Variants in LRP1B observed in about 807,000 individuals in gnomAD.
LRP1B encodes the protein low-density lipoprotein receptor-related protein 1B.
A neutral mutation model predicts 556.6 loss-of-function variants in LRP1B; 217 were observed. That is an observed-to-expected ratio of 0.39 (90% CI 0.35 to 0.44). The LOEUF (loss-of-function observed/expected upper bound fraction) is 0.44. Among genes scored for constraint, LRP1B ranks in the 20% least tolerant of loss-of-function variants. The pLI is 1.00. For missense variants in LRP1B, 5,053 were observed against 5,620.8 expected, an observed-to-expected ratio of 0.90 and a Z score of 3.23; for synonymous variants, 2,047 against 1,865.8, an observed-to-expected ratio of 1.10 and a Z score of -2.50.
intron 2 of LRP1B, among the ~76,000 whole-genome samples, chr2:141,714,065 C>T (rs1164165873): frequency 6.6e-6 from 1 of 152,118 alleles, no homozygotes; most frequent in African/African-American, 2.4e-5. Flanking sequence ...CAGTATCTTT[C>T]CTTCTTTTTT....
chr2:141,717,747 T>C (rs1262229632), intron 2 of LRP1B, among the ~76,000 whole-genome samples: 7 of 152,208 alleles, frequency 4.6e-5, no homozygotes, highest in Non-Finnish European at 8.8e-5. Context: ...AGCAAAAGAA[T>C]ACAGTCTACT....
chr2:140,353,086 G>A lies in LRP1B; in HGVS notation c.11531-14C>T, dbSNP rs781434752. ...ATTCATTAAGGTCTAGAAAAGAAGA[G>A]CTCAAAATAGCATCATCATACCCTC... On this transcript the variant is annotated splice_polypyrimidine_tract_variant and intron_variant, in intron 75 of 90. Transcript: ENST00000389484. The A allele has an allele frequency of 6.2e-7, 1 of 1,611,702 alleles. No individual in the cohort carries two copies. Among genetic ancestry groups the A allele is most frequent in the Non-Finnish European group, 8.5e-7 (1 of 1,178,958 alleles).
At chr2:140,971,165 G>A (rs1307697463) in intron 18 of LRP1B, among the ~76,000 whole-genome samples, 6 of 152,198 alleles carry the variant, frequency 3.9e-5, no homozygotes, top group Admixed American at 3.9e-4. Context: ...AAGGATCTCA[G>A]TATGAGATCA....
At chr2:140,676,781 C>T (rs1685685747) in intron 41 of LRP1B, among the ~76,000 whole-genome samples, 1 of 152,034 alleles carries the variant, frequency 6.6e-6, no homozygotes, top group African/African-American at 2.4e-5. Flanking sequence ...TAGGACATTT[C>T]TTTTTGCTTG....
At chr2:140,399,594 A>T (rs549228482) in intron 66 of LRP1B, among the ~76,000 whole-genome samples, 14 of 152,222 alleles carry the variant, frequency 9.2e-5, no homozygotes, top group Non-Finnish European at 1.9e-4. Flanking sequence ...TACATTTTAG[A>T]AACACCATTG....
intron 1 of LRP1B, among the ~76,000 whole-genome samples, chr2:141,894,904 T>A (rs2104921667): frequency 6.6e-6 from 1 of 151,742 alleles, no homozygotes; most frequent in South Asian, 2.1e-4. Flanking sequence ...TAAAATTAGC[T>A]GGGCATGGTG....
At chr2:141,054,223 C>T (rs1343605942) in intron 10 of LRP1B, among the ~76,000 whole-genome samples, 3 of 151,886 alleles carry the variant, frequency 2.0e-5, no homozygotes, top group African/African-American at 7.3e-5. Flanking sequence ...GAAGAGATGA[C>T]AGGATTGTGA....
chr2:140,789,274 C>A (rs1409174869), intron 32 of LRP1B, among the ~76,000 whole-genome samples: 3 of 152,104 alleles, frequency 2.0e-5, no homozygotes, highest in Non-Finnish European at 4.4e-5. Flanking sequence ...ACAATACATT[C>A]CAATTACCTA....
intron 2 of LRP1B, among the ~76,000 whole-genome samples, chr2:141,723,225 A>G (rs1692903456): frequency 6.7e-6 from 1 of 149,958 alleles, no homozygotes; most frequent in African/African-American, 2.4e-5. Flanking sequence ...CAAGGTTGAC[A>G]GTATCTTTTC....
At position 141,120,966 on chromosome 2, in the gene LRP1B, T is replaced by G. The variant is rs543526164; in HGVS notation, c.1014-58693A>C. ...TCTGACAATGATAAAAAAAATAACA[T>G]TAATTACTTTATTGGGAACAATTTG... On this transcript the variant is annotated intron_variant, in intron 7 of 90. Coordinates refer to ENST00000389484, the MANE Select transcript of LRP1B (RefSeq NM_018557.3). Among the ~76,000 whole-genome samples the G allele has an allele frequency of 2.0e-5, 3 of 152,156 alleles. No individual in the cohort carries two copies. In the South Asian group the frequency reaches 6.2e-4, roughly 32 times the overall value.
intron 23 of LRP1B, among the ~76,000 whole-genome samples, chr2:140,886,624 GT>G (rs34757111): frequency 0.51 from 75,068 of 148,214 alleles, 20,339 homozygotes; most frequent in South Asian, 0.61. Flanking sequence ...AGGATTTTCT[GT>G]TTTTTTTTTT....
chr2:142,115,534 T>TTATATATGTAATATATTA (rs1491564122), intron 1 of LRP1B, among the ~76,000 whole-genome samples: 1 of 43,982 alleles, frequency 2.3e-5, no homozygotes, highest in African/African-American at 6.9e-5. Flanking sequence ...AATATATATA[T>TTATATATGTAATATATTA]TACATATGTA....
At chr2:140,397,928 G>A (rs1044755238) in intron 66 of LRP1B, among the ~76,000 whole-genome samples, 2 of 152,076 alleles carry the variant, frequency 1.3e-5, no homozygotes, top group Non-Finnish European at 2.9e-5. Flanking sequence ...TTGCATAGGT[G>A]TTAAAATTCT....
chr2:141,187,250 T>C (rs957779173), intron 7 of LRP1B, among the ~76,000 whole-genome samples: 7 of 152,048 alleles, frequency 4.6e-5, no homozygotes, highest in African/African-American at 1.7e-4. Flanking sequence ...TTACACAGCC[T>C]TCCCAGCAAA....
chr2:141,221,513 A>G (rs532852677), intron 6 of LRP1B, among the ~76,000 whole-genome samples: 33 of 152,172 alleles, frequency 2.2e-4, no homozygotes, highest in African/African-American at 7.5e-4. Context: ...AAACAAAAAT[A>G]TTAGACAGAT....
At chr2:140,597,328 T>G (rs563796453) in intron 43 of LRP1B, among the ~76,000 whole-genome samples, 1 of 152,108 alleles carries the variant, frequency 6.6e-6, no homozygotes, top group East Asian at 1.9e-4. Context: ...ATAATTACCA[T>G]ACATAAGAAT....
At chr2:141,363,605 T>C (rs1023621655) in intron 3 of LRP1B, among the ~76,000 whole-genome samples, 1 of 152,152 alleles carries the variant, frequency 6.6e-6, no homozygotes, top group Non-Finnish European at 1.5e-5. Context: ...GGAAATATCA[T>C]TTAATATTTT....
intron 66 of LRP1B, among the ~76,000 whole-genome samples, chr2:140,417,294 G>T (rs945450853): frequency 6.6e-6 from 1 of 152,204 alleles, no homozygotes; most frequent in African/African-American, 2.4e-5. Flanking sequence ...AATCCTGCCT[G>T]CTACTATGGA....
At chr2:141,607,498 C>T (rs140659783) in intron 2 of LRP1B, among the ~76,000 whole-genome samples, 1 of 152,196 alleles carries the variant, frequency 6.6e-6, no homozygotes, top group South Asian at 2.1e-4. Context: ...CTCCACCCTA[C>T]CCCATCCCCT....
Sources: gnomAD v4.1 joint callset for allele counts (sites outside exome capture counted in the v4.1 genomes callset) on GRCh38, gnomAD v4.1.1 for gene constraint, MANE v1.5 for transcripts, NCBI Gene and HGNC (gene_info 2026-07-23, HGNC 2026-07-21) for gene names.